PNPLA7: variants seen among roughly 807,000 people sequenced by gnomAD.
PNPLA7 encodes the protein patatin like domain 7, lysophospholipase, also known as patatin-like phospholipase domain-containing protein 7.
In PNPLA7, 153 loss-of-function variants were observed where a neutral mutation model predicts 161.7. The observed-to-expected ratio is 0.95, with a 90% CI of 0.83 to 1.08. The LOEUF is 1.08. PNPLA7 is among the 50% of genes least tolerant of loss of function. The pLI, the probability that PNPLA7 is intolerant of heterozygous loss-of-function variation, is 0.00. For missense variants in PNPLA7, 1,739 were observed against 1,856.6 expected (o/e 0.94, Z 1.16); for synonymous variants, 809 against 782.1 (o/e 1.03, Z -0.57).
At chr9:137,538,822 T>G (rs1836029964) in intron 8 of PNPLA7, among the ~76,000 whole-genome samples, 1 of 151,282 alleles carries the variant, frequency 6.6e-6, no homozygotes, top group Non-Finnish European at 1.5e-5. Flanking sequence ...GAGGCTGAGG[T>G]AGGTGGCTCA....
chr9:137,546,009 G>A (rs950920566), intron 4 of PNPLA7, among the ~76,000 whole-genome samples: 12 of 152,070 alleles, frequency 7.9e-5, no homozygotes, highest in African/African-American at 1.2e-4. Context: ...AGTCAGGTTC[G>A]CCCGCAGTTA....
intron 21 of PNPLA7, 45 bp downstream of exon 21, chr9:137,484,542 G>A (rs1832371122): frequency 6.5e-7 from 1 of 1,541,294 alleles, no homozygotes. Context: ...CCTCCACCAG[G>A]CCCAGAACCC....
At chr9:137,477,327 T>C (rs996375890) in intron 25 of PNPLA7, among the ~76,000 whole-genome samples, 3 of 152,158 alleles carry the variant, frequency 2.0e-5, no homozygotes, top group Non-Finnish European at 2.9e-5. Flanking sequence ...AGGACTCAGT[T>C]TGGGCAAAGC....
At chr9:137,534,521 T>C (rs1267097715) in intron 8 of PNPLA7, among the ~76,000 whole-genome samples, 1 of 152,118 alleles carries the variant, frequency 6.6e-6, no homozygotes, top group Non-Finnish European at 1.5e-5. Flanking sequence ...TCCAACCCAG[T>C]GCCACCACAG....
At position 137,467,077 on chromosome 9, in the gene PNPLA7, C is replaced by T. The variant is rs1328744479; in HGVS notation, c.3039+240G>A. 2.0e-5 allele frequency among the ~76,000 whole-genome samples: 3 copies of T among 152,248 alleles called. No homozygotes were observed. The highest frequency in any genetic ancestry group is 2.9e-5 in the Non-Finnish European group (2 of 68,008). On this transcript the variant is annotated intron_variant, in intron 26 of 34. Transcript: ENST00000406427. The surrounding 1 kb of genome is among the most constrained non-coding windows in gnomAD (Gnocchi z 5.1). ...GCACAGATCAGACCACCTCCCACCA[C>T]CGTCTCCACCAACTCAGACCTGGGC...
intron 20 of PNPLA7, among the ~76,000 whole-genome samples, chr9:137,491,024 G>A (rs1588586229): frequency 6.6e-6 from 1 of 152,308 alleles, no homozygotes; most frequent in Non-Finnish European, 1.5e-5. Context: ...CACTGAAAAT[G>A]TCACATGAAG....
rs769866354 is a variant in PNPLA7, at chr9:137,546,865, T to C, written c.238A>G (p.Lys80Glu). 18 of 1,613,962 alleles carry C rather than the reference T, an allele frequency of 1.1e-5. No homozygotes were observed. Among genetic ancestry groups the C allele is most frequent in the Non-Finnish European group, 1.5e-5 (18 of 1,180,006 alleles). Residue 80 changes from lysine (K) to glutamate (E), a missense_variant, in exon 4 of 35, where the codon AAA (lysine) becomes GAA (glutamate). This residue lies in a region of PNPLA7 where 209 missense variants were observed against 252.8 expected (regional missense o/e 0.83). Transcript: ENST00000406427. ...ATCTTCCGGCCGTAAAACATCACTT[T>C]GTCTCTCTTCCGGAACCGGTACTGA... ...TPQYRFRKRD[K>E]VMFYGRKIMR...
At chr9:137,462,125 C>CG in intron 31 of PNPLA7, 54 bp downstream of exon 31, 2 of 1,525,116 alleles carry the variant, frequency 1.3e-6, no homozygotes, top group Non-Finnish European at 1.8e-6. Flanking sequence ...CGAGGAGGGG[C>CG]AGCCACCAGA....
At chr9:137,485,669 G>C (rs921200101) in intron 20 of PNPLA7, among the ~76,000 whole-genome samples, 1 of 152,348 alleles carries the variant, frequency 6.6e-6, no homozygotes, top group African/African-American at 2.4e-5. Context: ...GAAGCACAGC[G>C]CAGCCCTGGG....
intron 25 of PNPLA7, among the ~76,000 whole-genome samples, chr9:137,473,038 G>T (rs951405470): frequency 6.6e-6 from 1 of 152,196 alleles, no homozygotes; most frequent in Non-Finnish European, 1.5e-5. Flanking sequence ...GGTGAAGGAG[G>T]AGCAGAGGCA....
At chr9:137,530,226 A>C (rs1217802732) in intron 8 of PNPLA7, among the ~76,000 whole-genome samples, 1 of 152,154 alleles carries the variant, frequency 6.6e-6, no homozygotes, top group Non-Finnish European at 1.5e-5. Flanking sequence ...CGGCCTCCCA[A>C]AGTGTTGGGA....
At chr9:137,519,516 T>TGG (rs972851508) in intron 11 of PNPLA7, among the ~76,000 whole-genome samples, 3 of 151,968 alleles carry the variant, frequency 2.0e-5, no homozygotes, top group African/African-American at 7.3e-5. Flanking sequence ...ATGAGACCGT[T>TGG]GGAGGTTTGA....
chr9:137,546,391 T>A (rs1836527970), intron 4 of PNPLA7, among the ~76,000 whole-genome samples: 1 of 152,022 alleles, frequency 6.6e-6, no homozygotes, highest in Admixed American at 6.5e-5. Flanking sequence ...GTGGTAGTGG[T>A]CCCCAGGACC....
Position 137,524,145 on chromosome 9 carries a change from C to CGTCTTCT in PNPLA7, c.748-1295_748-1289dup, listed in dbSNP as rs1215182664. On this transcript the variant is annotated intron_variant, in intron 8 of 34. Transcript: ENST00000406427. This position sits in a 1 kb window ranked among gnomAD's most constrained non-coding sequence, Gnocchi z 4.4. ...CCACTGGGTCTTGGCAATGCTCCCC[C>CGTCTTCT]GTCTTCTGTCCCAGTGGTTGTGCCT... Among the ~76,000 whole-genome samples, 1 of 152,240 alleles carries CGTCTTCT rather than the reference C, an allele frequency of 6.6e-6. No individual in the cohort carries two copies. The highest frequency in any genetic ancestry group is 1.9e-4 in the East Asian group (1 of 5,202).
At chr9:137,481,327 C>T (rs1407816840) in intron 21 of PNPLA7, among the ~76,000 whole-genome samples, 1 of 152,240 alleles carries the variant, frequency 6.6e-6, no homozygotes, top group African/African-American at 2.4e-5. Context: ...GCACGAGCAG[C>T]AGTGGAATCT....
At position 137,522,854 on chromosome 9, in the gene PNPLA7, G is replaced by A; in HGVS notation, c.751C>T (p.His251Tyr). 4 of 1,613,252 alleles carry A rather than the reference G, an allele frequency of 2.5e-6. No individual in the cohort carries two copies. Among genetic ancestry groups the A allele is most frequent in the Non-Finnish European group, 3.4e-6 (4 of 1,179,726 alleles). The part of the protein sequence containing the change: ...LLSILDIITG[H>Y]AAPYKTVSVR... ...GAGACCGTTTTGTAAGGTGCAGCATGGCCCTGTAACAACAGCTCCATCAGT... is the reference window on the plus strand; with the variant it reads ...GAGACCGTTTTGTAAGGTGCAGCATAGCCCTGTAACAACAGCTCCATCAGT... Residue 251 changes from histidine to tyrosine, a missense_variant, in exon 9 of 35, where the codon CAT becomes TAT. Transcript: ENST00000406427.
chr9:137,541,508 G>C lies in PNPLA7; in HGVS notation c.667-786C>G. Reference sequence around the variant, plus strand: ...TGGCGTGGGATCACAGCCCACTCCCGGGACCACAGCTGGCAGGAGCCCTGC... The same window carrying C: ...TGGCGTGGGATCACAGCCCACTCCCCGGACCACAGCTGGCAGGAGCCCTGC... On this transcript the variant is annotated intron_variant, in intron 7 of 34. Coordinates refer to ENST00000406427, the MANE Select transcript of PNPLA7 (RefSeq NM_001098537.3). The surrounding 1 kb of genome is among the most constrained non-coding windows in gnomAD (Gnocchi z 4.4). 1.0e-6 allele frequency: 1 copy of C among 985,400 alleles called. No individual in the cohort carries two copies. Among genetic ancestry groups the C allele is most frequent in the Non-Finnish European group, 1.2e-6 (1 of 829,886 alleles). 61.0% of individuals were successfully genotyped at this position (985,400 alleles called of 1,614,324 possible). A position where few individuals can be genotyped will look rare whatever the true frequency, so the allele number is the denominator to read the frequency against.
chr9:137,488,133 T>G (rs1393195073), intron 20 of PNPLA7, among the ~76,000 whole-genome samples: 1 of 152,186 alleles, frequency 6.6e-6, no homozygotes, highest in African/African-American at 2.4e-5. Flanking sequence ...GCCTGAACGC[T>G]GCTCTCGTGG....
rs772821077 is a variant in PNPLA7 at position 137,495,071 on chromosome 9, C to A, written c.2089G>T (p.Ala697Ser). 1.2e-5 allele frequency: 20 copies of A among 1,610,256 alleles called. No individual in the cohort carries two copies. Among genetic ancestry groups the A allele is most frequent in the Non-Finnish European group, 1.6e-5 (19 of 1,179,530 alleles). The part of the protein sequence containing the change: ...VRDSELAKLP[A>S]GALTSIKRRY... ...CGCTTGATGGACGTGAGGGCTCCTG[C>A]CGGCAGCTTGGCCAATTCTGAGTCC... Residue 697 changes from alanine to serine, a missense_variant, in exon 19 of 35, where the codon GCA becomes TCA. Coordinates refer to ENST00000406427, the MANE Select transcript of PNPLA7 (RefSeq NM_001098537.3).
Sources: allele counts gnomAD v4.1 joint callset (sites outside exome capture counted in the v4.1 genomes callset), GRCh38; gene constraint gnomAD v4.1.1; regional missense constraint gnomAD v4.1.1; non-coding constraint Gnocchi (gnomAD v3.1); transcripts MANE v1.5; gene names NCBI Gene and HGNC (gene_info 2026-07-23, HGNC 2026-07-21).